The following ACAP2 variants were observed in gnomAD, a reference collection of about 807,000 sequenced individuals.
The protein encoded by ACAP2 is ArfGAP with coiled-coil, ankyrin repeat and PH domains 2, also known as arf-GAP with coiled-coil, ANK repeat and PH domain-containing protein 2.
ACAP2 carries 39 observed loss-of-function variants against 115.8 expected under a neutral mutation model. The observed-to-expected ratio is 0.34, with a 90% CI of 0.26 to 0.44. The LOEUF (loss-of-function observed/expected upper bound fraction) is 0.44. Ranked by LOEUF, ACAP2 falls within the 20% of genes least tolerant of loss-of-function variation. The probability of loss-of-function intolerance (pLI) is 1.00; values close to 1 mark genes in which losing one functional copy is unlikely to be tolerated. For synonymous variants in ACAP2, 289 were observed against 315.8 expected, an observed-to-expected ratio of 0.92 and a Z score of 0.90; for missense variants, 662 against 927.6, an observed-to-expected ratio of 0.71 and a Z score of 3.72.
chr3:195,294,953 A>G, intron 17 of ACAP2, 142 bp from the exon 18 acceptor site: 1 of 543,044 alleles, frequency 1.8e-6, no homozygotes, highest in South Asian at 2.2e-5. Flanking sequence ...TATAATTTTA[A>G]GCCTTTTGAA....
At chr3:195,386,486 T>A in intron 2 of ACAP2, among the ~76,000 whole-genome samples, 1 of 152,196 alleles carries the variant, frequency 6.6e-6, no homozygotes, top group East Asian at 1.9e-4. Flanking sequence ...GTTCATGTCC[T>A]TTGCAGAGAC....
At chr3:195,351,694 G>A (rs1731620214) in intron 4 of ACAP2, among the ~76,000 whole-genome samples, 1 of 147,230 alleles carries the variant, frequency 6.8e-6, no homozygotes, top group African/African-American at 2.5e-5. Context: ...TGGATCTCCT[G>A]ATCCGTGATC....
rs1442534812 is a variant in ACAP2 at position 195,367,123 on chromosome 3, TCAAA to T, written c.285+13882_285+13885del. On this transcript the variant is annotated intron_variant, in intron 4 of 22. Coordinates refer to ENST00000326793, the MANE Select transcript of ACAP2 (RefSeq NM_012287.6). Reference sequence around the variant, plus strand: ...ACGCATGGTTTGCCAAACTGTGCTCTCAAACAGTGGTTTTCAAATGTTAGAATAC... The same window carrying T: ...ACGCATGGTTTGCCAAACTGTGCTCTCAGTGGTTTTCAAATGTTAGAATAC... Among the ~76,000 whole-genome samples the T allele has an allele frequency of 2.5e-4, 37 of 150,768 alleles. 1 individual carries two copies. The highest frequency in any genetic ancestry group is 4.2e-4 in the South Asian group (2 of 4,742).
intron 10 of ACAP2, among the ~76,000 whole-genome samples, chr3:195,315,058 G>A (rs1729000749): frequency 6.6e-6 from 1 of 152,246 alleles, no homozygotes; most frequent in Non-Finnish European, 1.5e-5. Flanking sequence ...CCGTCACCCA[G>A]GCTGGAGTGC....
chr3:195,321,216 CTTTTT>C (rs34165362), intron 9 of ACAP2, among the ~76,000 whole-genome samples: 2 of 102,240 alleles, frequency 2.0e-5, no homozygotes, highest in African/African-American at 4.0e-5. Flanking sequence ...TTTATCACAA[CTTTTT>C]TTTTTTTTTT....
chr3:195,348,268 CA>C (rs937361247), intron 4 of ACAP2, among the ~76,000 whole-genome samples: 2 of 151,354 alleles, frequency 1.3e-5, no homozygotes, highest in African/African-American at 2.4e-5. Flanking sequence ...TATAAAATAT[CA>C]GAAAGAAATG....
In ACAP2 at chr3:195,278,410, A is replaced by C. The variant is rs1726271517; in HGVS notation, c.*918T>G. ...TTTCACTAGGAGCAACAGCAAAACT[A>C]TCTTTAAAAGGACAAATTTCAAATA... On this transcript the variant is annotated 3_prime_UTR_variant, in exon 23 of 23. Transcript: ENST00000326793. 6.6e-6 allele frequency: 1 copy of C among 151,996 alleles called. No homozygotes were observed. The highest frequency in any genetic ancestry group is 2.4e-5 in the African/African-American group (1 of 41,444). 9.4% of individuals were successfully genotyped at this position (151,996 alleles called of 1,614,324 possible).
chr3:195,284,472 A>G (rs1035555326), intron 22 of ACAP2, among the ~76,000 whole-genome samples: 1 of 152,126 alleles, frequency 6.6e-6, no homozygotes, highest in Non-Finnish European at 1.5e-5. Flanking sequence ...GCCGCCTACT[A>G]TTGTATGATC....
At chr3:195,349,815 G>T in intron 4 of ACAP2, 1 of 351,576 alleles carries the variant, frequency 2.8e-6, no homozygotes, top group South Asian at 2.4e-5. Flanking sequence ...AATTTGCCAT[G>T]AAGGAGATGG....
chr3:195,318,964 G>A (rs2109023270), intron 10 of ACAP2, among the ~76,000 whole-genome samples: 1 of 152,314 alleles, frequency 6.6e-6, no homozygotes, highest in East Asian at 1.9e-4. Flanking sequence ...GGAAAAAATA[G>A]TATTGTGGGC....
intron 6 of ACAP2, among the ~76,000 whole-genome samples, chr3:195,339,015 G>T (rs958472996): frequency 6.6e-6 from 1 of 152,144 alleles, no homozygotes; most frequent in African/African-American, 2.4e-5. Context: ...CAGATCGCTT[G>T]AGATTAGGAG....
chr3:195,330,301 A>G lies in ACAP2; in HGVS notation c.669+2727T>C, dbSNP rs141530768. 6.4e-3 allele frequency among the ~76,000 whole-genome samples: 981 copies of G among 152,294 alleles called. 7 individuals carry two copies. The highest frequency in any genetic ancestry group is 0.02 in the Middle Eastern group (6 of 294). On this transcript the variant is annotated intron_variant, in intron 8 of 22. Coordinates refer to ENST00000326793, the MANE Select transcript of ACAP2 (RefSeq NM_012287.6). ...CCATTATCTACTAATTATGAAAAGA[A>G]TATCGTAATTGGCCACCTCCAACCC...
intron 6 of ACAP2, among the ~76,000 whole-genome samples, chr3:195,339,566 G>GT (rs1376308776): frequency 6.6e-6 from 1 of 151,290 alleles, no homozygotes; most frequent in Non-Finnish European, 1.5e-5. Context: ...ATTTAGAGTA[G>GT]TTAAAAGCAA....
At chr3:195,317,826 T>C (rs941981086) in intron 10 of ACAP2, among the ~76,000 whole-genome samples, 1 of 151,922 alleles carries the variant, frequency 6.6e-6, no homozygotes, top group Non-Finnish European at 1.5e-5. Flanking sequence ...ATTGCAAAGA[T>C]CAAAAGATCA....
At chr3:195,287,665 G>C (rs1279956369) in intron 21 of ACAP2, among the ~76,000 whole-genome samples, 3 of 152,018 alleles carry the variant, frequency 2.0e-5, no homozygotes, top group Non-Finnish European at 2.9e-5. Context: ...ACTGCCCAAA[G>C]GTAATGGAAC....
intron 4 of ACAP2, among the ~76,000 whole-genome samples, chr3:195,363,337 G>A (rs753399030): frequency 7.2e-5 from 11 of 152,108 alleles, no homozygotes; most frequent in Non-Finnish European, 1.6e-4. Flanking sequence ...TGAATTGGAA[G>A]AACTAATATT....
intron 6 of ACAP2, among the ~76,000 whole-genome samples, chr3:195,341,417 T>C (rs944108710): frequency 7.1e-6 from 1 of 140,118 alleles, no homozygotes; most frequent in African/African-American, 2.6e-5. Context: ...CTCCGCCTCC[T>C]GGGTTCACGC....
intron 22 of ACAP2, chr3:195,282,080 G>A (rs1210364615): frequency 2.0e-5 from 3 of 152,224 alleles, no homozygotes; most frequent in African/African-American, 4.8e-5. Context: ...GGTAGCACCA[G>A]ATGAGCACTG....
At chr3:195,300,050 T>TC (rs1389032955) in intron 15 of ACAP2, among the ~76,000 whole-genome samples, 2 of 33,208 alleles carry the variant, frequency 6.0e-5, no homozygotes, top group African/African-American at 1.7e-4. Flanking sequence ...TTTTCTTTTT[T>TC]TTTTTTTTTT....
Sources: gnomAD v4.1 joint callset for allele counts (sites outside exome capture counted in the v4.1 genomes callset) on GRCh38, gnomAD v4.1.1 for gene constraint, MANE v1.5 for transcripts, NCBI Gene and HGNC (gene_info 2026-07-23, HGNC 2026-07-21) for gene names.